MYL6B: variants seen among roughly 807,000 people sequenced by gnomAD.
The protein encoded by MYL6B is myosin light chain 6B.
A neutral mutation model predicts 24.5 loss-of-function variants in MYL6B; 19 were observed. The ratio of observed to expected loss-of-function variants is 0.78; its 90% CI spans 0.54 to 1.14. The LOEUF is 1.14. Ranked by LOEUF, MYL6B falls within the 50% of genes most tolerant of loss-of-function variation. The pLI is 0.00. For missense variants in MYL6B, 230 were observed against 263.8 expected (o/e 0.87, Z 0.89); for synonymous variants, 90 against 100.7 (o/e 0.89, Z 0.64).
chr12:56,152,800 AC>A (rs2136900972), intron 1 of MYL6B, among the ~76,000 whole-genome samples, 169 bp downstream of exon 1: 1 of 151,248 alleles, frequency 6.6e-6, no homozygotes, highest in South Asian at 2.1e-4. Flanking sequence ...CCCAGCATCA[AC>A]CCCGGGGCCT....
At chr12:56,156,024 G>A in intron 5 of MYL6B, 8 of 1,118,870 alleles carry the variant, frequency 7.2e-6, no homozygotes, top group Non-Finnish European at 8.8e-6. Flanking sequence ...AGCGTGGCCT[G>A]GCCAGGTATG....
intron 5 of MYL6B, chr12:56,156,085 C>G: frequency 9.9e-7 from 1 of 1,015,202 alleles, no homozygotes; most frequent in Admixed American, 5.0e-5. Flanking sequence ...GCGGGCGGAT[C>G]ACCTTAGCTC....
chr12:56,154,760 G>A, intron 2 of MYL6B, 53 bp from the exon 3 acceptor site: 1 of 1,587,174 alleles, frequency 6.3e-7, no homozygotes, highest in Non-Finnish European at 8.6e-7. Flanking sequence ...AGGAGTGCGG[G>A]AGAGGGATTG....
At chr12:56,153,424 G>GT (rs1871183763) in intron 1 of MYL6B, 1 of 985,756 alleles carries the variant, frequency 1.0e-6, no homozygotes, top group East Asian at 1.1e-4. Context: ...GAGTGGAGGG[G>GT]CTGGGCAGAT....
At chr12:56,157,954 T>A (rs2136909352) in exon 7 of MYL6B, 1 of 595,872 alleles carries the variant, frequency 1.7e-6, no homozygotes, top group East Asian at 2.8e-5. Flanking sequence ...ACCTATTGTT[T>A]CAAAATAAAG....
exon 2 of MYL6B, chr12:56,153,937 G>A (rs1263829601): frequency 1.2e-6 from 2 of 1,612,942 alleles, no homozygotes; most frequent in Non-Finnish European, 8.5e-7. Context: ...CAAGAAGGAT[G>A]TTCCCGTGAA....
intron 1 of MYL6B, 84 bp from the exon 2 acceptor site, chr12:56,153,789 C>A (rs956552478): frequency 3.2e-6 from 3 of 945,010 alleles, no homozygotes; most frequent in Non-Finnish European, 3.1e-6. Flanking sequence ...TATCTCTCCT[C>A]TACCTCATCT....
At chr12:56,155,027 T>C (rs780078272) in intron 3 of MYL6B, 28 bp from the exon 4 acceptor site, 2 of 1,597,758 alleles carry the variant, frequency 1.3e-6, no homozygotes, top group East Asian at 2.2e-5. Context: ...CTAGTCAGTG[T>C]CTACACTGAC....
chr12:56,155,843 G>A (rs1358459410), intron 5 of MYL6B: 12 of 1,381,712 alleles, frequency 8.7e-6, no homozygotes, highest in Admixed American at 2.7e-5. Flanking sequence ...TGGAAGAGAC[G>A]TGTGGGTTGT....
chr12:56,156,283 G>C (rs1206139571), intron 5 of MYL6B: 1 of 151,326 alleles, frequency 6.6e-6, no homozygotes, highest in East Asian at 2.0e-4. Context: ...ACTCCAGCCT[G>C]GGGGACAGAG....
chr12:56,157,580 G>T (rs756892001), intron 6 of MYL6B, 35 bp downstream of exon 6: 4 of 1,613,402 alleles, frequency 2.5e-6, no homozygotes, highest in Non-Finnish European at 8.5e-7. Flanking sequence ...GGGGCCGAGG[G>T]AGGAGGGCAG....
rs187351712 is a variant in MYL6B at position 56,155,310 on chromosome 12, A to G, written c.347-109A>G. On this transcript the variant is annotated intron_variant, in intron 4 of 6. Coordinates refer to ENST00000553066, the Ensembl canonical transcript of MYL6B. ...TTCAAAAACTGTCAAACACAGAAGCAGGAAAATATCCTAAATGCTGAATAG... is the reference window on the plus strand; with the variant it reads ...TTCAAAAACTGTCAAACACAGAAGCGGGAAAATATCCTAAATGCTGAATAG... 4.3e-5 allele frequency: 67 copies of G among 1,569,042 alleles called. No homozygotes were observed. In the Middle Eastern group the frequency reaches 6.8e-4, roughly 16 times the overall value.
At position 56,155,547 on chromosome 12, in the gene MYL6B, G is replaced by A. The variant is rs141538526; in HGVS notation, c.475G>A (p.Gly159Ser). 30 of 1,613,700 alleles carry A rather than the reference G, an allele frequency of 1.9e-5. No individual in the cohort carries two copies. The highest frequency in any genetic ancestry group is 2.2e-5 in the Non-Finnish European group (26 of 1,179,890). ...TCGTGTGTTTGACAAGGAGGGGAAC[G>A]GCAAAGTCATGGGAGCAGAGCTCAG... The change falls in exon 5 of 7, where the codon GGC becomes AGC. Residue 159 changes from glycine (G) to serine (S), a missense_variant. Transcript: ENST00000553066.
At chr12:56,154,020 C>G in exon 2 of MYL6B, 1 of 1,614,118 alleles carries the variant, frequency 6.2e-7, no homozygotes, top group Non-Finnish European at 8.5e-7. Flanking sequence ...CAGCCAAGAC[C>G]AAAGCTGAGC....
At chr12:56,156,417 C>T (rs1287034057) in intron 5 of MYL6B, among the ~76,000 whole-genome samples, 1 of 151,950 alleles carries the variant, frequency 6.6e-6, no homozygotes, top group African/African-American at 2.4e-5. Flanking sequence ...CCAGCCTGGC[C>T]AACATGGTGA....
exon 7 of MYL6B, chr12:56,157,838 C>T: frequency 1.5e-6 from 2 of 1,331,494 alleles, no homozygotes; most frequent in African/African-American, 1.4e-5. Flanking sequence ...TGTCCGGTTG[C>T]TGCACGGGCT....
In MYL6B at chr12:56,157,702, CT is replaced by C; in HGVS notation, c.605del (p.Leu202Ter). 1 of 1,612,958 alleles carries C rather than the reference CT, an allele frequency of 6.2e-7. No homozygotes were observed. The highest frequency in any genetic ancestry group is 1.3e-5 in the African/African-American group (1 of 75,058). On this transcript the variant is annotated frameshift_variant, in exon 7 of 7. Transcript: ENST00000553066. LOFTEE classifies it high-confidence loss of function. ...TCTTGCCTCCTCTCTCTGCAGCCTTCTTGAAACACATCCTAAGCGTCTGAGT... is the reference window on the plus strand; with the variant it reads ...TCTTGCCTCCTCTCTCTGCAGCCTTCTGAAACACATCCTAAGCGTCTGAGT...
At chr12:56,157,574 C>T (rs763779595) in intron 6 of MYL6B, 29 bp downstream of exon 6, 3 of 1,613,084 alleles carry the variant, frequency 1.9e-6, no homozygotes, top group East Asian at 2.2e-5. Flanking sequence ...GGGAGCGGGG[C>T]CGAGGGAGGA....
At chr12:56,155,923 G>C in intron 5 of MYL6B, 1 of 1,214,056 alleles carries the variant, frequency 8.2e-7, no homozygotes, top group Non-Finnish European at 1.0e-6. Context: ...AGCAGTACTA[G>C]GGTGAAATGG....
Sources: allele counts gnomAD v4.1 joint callset (sites outside exome capture counted in the v4.1 genomes callset), GRCh38; gene constraint gnomAD v4.1.1; transcripts MANE v1.5; gene names NCBI Gene and HGNC (gene_info 2026-07-23, HGNC 2026-07-21).